Variants in GRIP1 observed in about 807,000 individuals in gnomAD.
The protein encoded by GRIP1 is glutamate receptor interacting protein 1.
A neutral mutation model predicts 129.9 loss-of-function variants in GRIP1; 45 were observed. The ratio of observed to expected loss-of-function variants is 0.35; its 90% CI spans 0.27 to 0.44. The LOEUF is 0.44. GRIP1 is among the 20% of genes least tolerant of loss of function. The pLI, the probability that GRIP1 is intolerant of heterozygous loss-of-function variation, is 1.00. For missense variants in GRIP1, 1,196 were observed against 1,396.8 expected (o/e 0.86, Z 2.29); for synonymous variants, 530 against 520.8 (o/e 1.02, Z -0.24).
chr12:66,842,924 G>A (rs964375610), intron 1 of GRIP1, among the ~76,000 whole-genome samples: 3 of 152,126 alleles, frequency 2.0e-5, no homozygotes, highest in African/African-American at 7.2e-5. Context: ...GGTATAGTCT[G>A]TAGGACCCCT....
In GRIP1 at chr12:66,506,372, T is replaced by C. The variant is rs61925950; in HGVS notation, c.724+9247A>G. Among the ~76,000 whole-genome samples the C allele has an allele frequency of 6.9e-3, 1,046 of 152,318 alleles. 9 individuals carry two copies. The highest frequency in any genetic ancestry group is 0.012 in the Non-Finnish European group (791 of 68,028). On this transcript the variant is annotated intron_variant, in intron 7 of 24. Coordinates refer to ENST00000359742, the MANE Select transcript of GRIP1 (RefSeq NM_001366722.1). ...TAAAACAATGAAAAAGAATGAACTATTGCTATAGACAACAATATGATACAA... is the reference window on the plus strand; with the variant it reads ...TAAAACAATGAAAAAGAATGAACTACTGCTATAGACAACAATATGATACAA...
At chr12:66,447,742 C>T (rs532431935) in intron 11 of GRIP1, among the ~76,000 whole-genome samples, 23 of 152,156 alleles carry the variant, frequency 1.5e-4, no homozygotes, top group Admixed American at 1.2e-3. Flanking sequence ...CTGCTCACTC[C>T]CCCAGCTTTC....
At chr12:67,022,391 A>G (rs1404729268) in intron 1 of GRIP1, among the ~76,000 whole-genome samples, 2 of 152,204 alleles carry the variant, frequency 1.3e-5, no homozygotes, top group Non-Finnish European at 2.9e-5. Context: ...TAAGGTTGAC[A>G]TTAACATTTA....
chr12:66,461,573 T>C (rs1340630839), intron 9 of GRIP1, among the ~76,000 whole-genome samples: 1 of 152,218 alleles, frequency 6.6e-6, no homozygotes, highest in African/African-American at 2.4e-5. Context: ...AACCTGCCTA[T>C]GCTGCATCAT....
chr12:67,059,894 T>C (rs2043501605), intron 1 of GRIP1, among the ~76,000 whole-genome samples: 1 of 152,216 alleles, frequency 6.6e-6, no homozygotes, highest in Admixed American at 6.5e-5. Context: ...AGTGGGTGTT[T>C]AGAAATACTA....
intron 7 of GRIP1, among the ~76,000 whole-genome samples, chr12:66,484,194 G>C (rs1037464911): frequency 1.3e-5 from 2 of 152,142 alleles, no homozygotes; most frequent in Admixed American, 1.3e-4. Context: ...AGTTAGCTTT[G>C]CTTACTGTTT....
intron 1 of GRIP1, among the ~76,000 whole-genome samples, chr12:67,067,372 T>C (rs572285266): frequency 1.2e-4 from 19 of 152,312 alleles, no homozygotes; most frequent in African/African-American, 3.8e-4. Flanking sequence ...AACTGATACA[T>C]TTAATGCCAA....
chr12:66,658,399 C>A (rs1004274738), intron 1 of GRIP1, among the ~76,000 whole-genome samples: 1 of 152,094 alleles, frequency 6.6e-6, no homozygotes, highest in Non-Finnish European at 1.5e-5. Context: ...TTCCTGTAAT[C>A]CATTCCTTTT....
intron 1 of GRIP1, among the ~76,000 whole-genome samples, chr12:66,750,511 C>A (rs1470734780): frequency 6.6e-6 from 1 of 152,162 alleles, no homozygotes; most frequent in African/African-American, 2.4e-5. Flanking sequence ...GTCTACCTGT[C>A]AAGGGGAGGA....
intron 5 of GRIP1, among the ~76,000 whole-genome samples, chr12:66,528,802 C>T (rs2061350040): frequency 6.6e-6 from 1 of 152,110 alleles, no homozygotes; most frequent in South Asian, 2.1e-4. Flanking sequence ...ATATGGTTTC[C>T]AGTTTTATTA....
intron 1 of GRIP1, among the ~76,000 whole-genome samples, chr12:66,632,091 T>C (rs1400053851): frequency 1.3e-5 from 2 of 151,750 alleles, no homozygotes; most frequent in Admixed American, 1.3e-4. Flanking sequence ...CTCTCCCTTG[T>C]AGGTGTAGAA....
At chr12:66,431,557 T>C (rs2058148526) in intron 14 of GRIP1, among the ~76,000 whole-genome samples, 1 of 152,228 alleles carries the variant, frequency 6.6e-6, no homozygotes. Flanking sequence ...TGAGAACTTT[T>C]ATTTATTTTT....
chr12:67,059,960 A>G, intron 1 of GRIP1, among the ~76,000 whole-genome samples: 1 of 152,212 alleles, frequency 6.6e-6, no homozygotes, highest in East Asian at 1.9e-4. Context: ...ATCTCATTGA[A>G]GAGGACAAGA....
chr12:66,983,018 C>T (rs1410793392), intron 1 of GRIP1, among the ~76,000 whole-genome samples: 1 of 152,152 alleles, frequency 6.6e-6, no homozygotes, highest in East Asian at 1.9e-4. Flanking sequence ...TAGCTTCTGG[C>T]ACTTTTCCCT....
At chr12:66,374,156 A>G (rs2055670190) in intron 22 of GRIP1, among the ~76,000 whole-genome samples, 1 of 151,944 alleles carries the variant, frequency 6.6e-6, no homozygotes, top group Admixed American at 6.6e-5. Context: ...TCTTTATTTT[A>G]TGGCACTTAC....
intron 1 of GRIP1, among the ~76,000 whole-genome samples, chr12:66,889,046 A>T (rs887030885): frequency 6.6e-6 from 1 of 152,258 alleles, no homozygotes; most frequent in South Asian, 2.1e-4. Flanking sequence ...TGATTTGTCC[A>T]AAGAAATAAA....
intron 1 of GRIP1, among the ~76,000 whole-genome samples, chr12:66,758,240 G>A (rs2037359697): frequency 6.6e-6 from 1 of 152,114 alleles, no homozygotes; most frequent in Non-Finnish European, 1.5e-5. Flanking sequence ...GAGGTAAAAG[G>A]CATTTCTTAC....
chr12:66,631,837 T>C (rs2030824606), intron 1 of GRIP1, among the ~76,000 whole-genome samples: 1 of 152,206 alleles, frequency 6.6e-6, no homozygotes, highest in Non-Finnish European at 1.5e-5. Flanking sequence ...GAGCAGAACA[T>C]GTAACACTGA....
chr12:66,808,178 G>A (rs61928260), upstream of GRIP1, among the ~76,000 whole-genome samples: 6,282 of 152,144 alleles, frequency 0.041, 203 homozygotes, highest in South Asian at 0.095. Context: ...GCACTCTATA[G>A]TCTAAACTGA....
Sources: gnomAD v4.1 joint callset for allele counts (sites outside exome capture counted in the v4.1 genomes callset) on GRCh38, gnomAD v4.1.1 for gene constraint, MANE v1.5 for transcripts, NCBI Gene and HGNC (gene_info 2026-07-23, HGNC 2026-07-21) for gene names.